The following TANGO6 variants were observed in gnomAD, a reference collection of about 807,000 sequenced individuals.
The protein encoded by TANGO6 is transport and golgi organization 6 homolog.
A neutral mutation model predicts 114.2 loss-of-function variants in TANGO6; 90 were observed. That is an observed-to-expected ratio of 0.79 (90% CI 0.66 to 0.94). The LOEUF (loss-of-function observed/expected upper bound fraction) is 0.94. Ranked by LOEUF, TANGO6 falls within the 40% of genes least tolerant of loss-of-function variation. The probability of loss-of-function intolerance (pLI) is 0.00; values close to 1 mark genes in which losing one functional copy is unlikely to be tolerated. For missense variants in TANGO6, 1,274 were observed against 1,315.3 expected, an observed-to-expected ratio of 0.97 and a Z score of 0.49; for synonymous variants, 477 against 509.8, an observed-to-expected ratio of 0.94 and a Z score of 0.87.
At chr16:68,844,752 C>G (rs1346532979) in intron 1 of TANGO6, among the ~76,000 whole-genome samples, 2 of 152,042 alleles carry the variant, frequency 1.3e-5, no homozygotes, top group Non-Finnish European at 2.9e-5. Flanking sequence ...CCCCTGGGAT[C>G]GGTACTACTT....
At chr16:68,885,997 G>A (rs1251694045) in intron 7 of TANGO6, among the ~76,000 whole-genome samples, 3 of 152,076 alleles carry the variant, frequency 2.0e-5, no homozygotes, top group African/African-American at 4.8e-5. Flanking sequence ...ACCATTTTAC[G>A]TTCCCACCAG....
chr16:69,010,806 A>G (rs141935926), intron 15 of TANGO6, among the ~76,000 whole-genome samples: 219 of 152,290 alleles, frequency 1.4e-3, no homozygotes, highest in African/African-American at 4.7e-3. Context: ...TGCATATAGT[A>G]TGTATACATT....
chr16:68,980,698 T>C (rs189223959), intron 15 of TANGO6, among the ~76,000 whole-genome samples: 222 of 151,958 alleles, frequency 1.5e-3, no homozygotes, highest in African/African-American at 4.8e-3. Context: ...TATGTCTACT[T>C]TTCAATGTAG....
chr16:68,943,741 C>T (rs979198741), intron 14 of TANGO6, among the ~76,000 whole-genome samples: 1 of 152,068 alleles, frequency 6.6e-6, no homozygotes, highest in Non-Finnish European at 1.5e-5. Flanking sequence ...TAAGAATCTC[C>T]TCATTCCTTT....
At chr16:69,042,846 G>A (rs1959794649) in intron 17 of TANGO6, among the ~76,000 whole-genome samples, 1 of 152,214 alleles carries the variant, frequency 6.6e-6, no homozygotes, top group Admixed American at 6.5e-5. Context: ...AACAGTAGGG[G>A]AATGGAGGGG....
intron 15 of TANGO6, among the ~76,000 whole-genome samples, chr16:68,980,435 A>ATTTTTTTT (rs1291932299): frequency 1.8e-4 from 11 of 61,776 alleles, no homozygotes; most frequent in African/African-American, 7.2e-4. Context: ...ATATATATAT[A>ATTTTTTTT]TTTTTTTTTT....
intron 1 of TANGO6, among the ~76,000 whole-genome samples, chr16:68,856,241 C>A (rs184526325): frequency 2.0e-5 from 3 of 152,104 alleles, no homozygotes; most frequent in Admixed American, 1.3e-4. Context: ...TAGGTTTGTC[C>A]GTGGATACCC....
At chr16:69,006,932 C>T (rs768947545) in intron 15 of TANGO6, 4 of 152,158 alleles carry the variant, frequency 2.6e-5, no homozygotes, top group African/African-American at 4.8e-5. Flanking sequence ...CATTCCCAGT[C>T]GAGCAATCAC....
chr16:69,062,324 G>A (rs891769115), intron 17 of TANGO6, among the ~76,000 whole-genome samples: 21 of 152,080 alleles, frequency 1.4e-4, no homozygotes, highest in African/African-American at 4.6e-4. Flanking sequence ...TTGAAACCAT[G>A]GTATCTCTCT....
chr16:68,948,010 A>G (rs867907530), intron 14 of TANGO6, among the ~76,000 whole-genome samples: 1 of 150,024 alleles, frequency 6.7e-6, no homozygotes, highest in Non-Finnish European at 1.5e-5. Context: ...ACCTTATCTT[A>G]CTACAGTGCA....
chr16:68,911,509 C>T (rs1363766667), intron 11 of TANGO6, among the ~76,000 whole-genome samples: 3 of 148,532 alleles, frequency 2.0e-5, no homozygotes, highest in Non-Finnish European at 3.0e-5. Flanking sequence ...CTCCACCTCC[C>T]GGGTTCAAGT....
At chr16:68,894,996 AC>A (rs1962685232) in intron 7 of TANGO6, among the ~76,000 whole-genome samples, 1 of 152,152 alleles carries the variant, frequency 6.6e-6, no homozygotes, top group Non-Finnish European at 1.5e-5. Context: ...CCCTTTGCTA[AC>A]AATGTGTCTT....
chr16:68,960,668 T>G (rs1248779693), intron 14 of TANGO6, among the ~76,000 whole-genome samples: 1 of 152,014 alleles, frequency 6.6e-6, no homozygotes, highest in Non-Finnish European at 1.5e-5. Context: ...GCCTGGCTAA[T>G]TTTTGTATTT....
At chr16:69,058,666 G>T (rs1567567869) in intron 17 of TANGO6, among the ~76,000 whole-genome samples, 1 of 152,038 alleles carries the variant, frequency 6.6e-6, no homozygotes, top group Non-Finnish European at 1.5e-5. Context: ...TTAACCATTG[G>T]ACTTTTCTCT....
In TANGO6 at chr16:68,844,207, C is replaced by T. The variant is rs79653471; in HGVS notation, c.94+496C>T. Among the ~76,000 whole-genome samples, 1,042 of 152,212 alleles carry T rather than the reference C, an allele frequency of 6.8e-3. 11 individuals are homozygous for T. Among genetic ancestry groups the T allele is most frequent in the African/African-American group, 0.024 (1,004 of 41,528 alleles). ...GAGAGTATTTAGGGGTTACCAGGCG[C>T]TTTTAATCTTTGTGGTGCGTGGACA... On this transcript the variant is annotated intron_variant, in intron 1 of 17. Transcript: ENST00000261778.
chr16:68,951,002 G>A (rs1028677091), intron 14 of TANGO6, among the ~76,000 whole-genome samples: 4 of 151,966 alleles, frequency 2.6e-5, no homozygotes, highest in African/African-American at 7.2e-5. Flanking sequence ...TTGAAGCTGA[G>A]GGAAAAGCAA....
At chr16:68,929,915 C>G (rs1158476444) in intron 13 of TANGO6, among the ~76,000 whole-genome samples, 1 of 152,200 alleles carries the variant, frequency 6.6e-6, no homozygotes, top group Non-Finnish European at 1.5e-5. Context: ...GTGTGTCACA[C>G]CCCGTAGTCT....
chr16:69,053,643 A>G (rs569500841), intron 17 of TANGO6, among the ~76,000 whole-genome samples: 4 of 152,308 alleles, frequency 2.6e-5, no homozygotes, highest in South Asian at 2.1e-4. Context: ...ATGATACTCT[A>G]TGTACAGGTA....
intron 16 of TANGO6, among the ~76,000 whole-genome samples, chr16:69,028,940 CTGAGACTTGATGGGA>C (rs1358854872): frequency 6.6e-6 from 1 of 151,866 alleles, no homozygotes; most frequent in Non-Finnish European, 1.5e-5. Context: ...AGTGGACCAG[CTGAGACTTGATGGGA>C]TCTATATGTT....
Sources: allele counts gnomAD v4.1 joint callset (sites outside exome capture counted in the v4.1 genomes callset), GRCh38; gene constraint gnomAD v4.1.1; transcripts MANE v1.5; gene names NCBI Gene and HGNC (gene_info 2026-07-23, HGNC 2026-07-21).